METTL15: variants seen among roughly 807,000 people sequenced by gnomAD.
METTL15 encodes methyltransferase 15, mitochondrial 12S rRNA N4-cytidine.
A neutral mutation model predicts 38.3 loss-of-function variants in METTL15; 34 were observed. That is an observed-to-expected ratio of 0.89 (90% CI 0.68 to 1.18). The LOEUF (loss-of-function observed/expected upper bound fraction) is 1.18, where lower values mean the gene tolerates loss of function less well. Among genes scored for constraint, METTL15 ranks in the 50% most tolerant of loss-of-function variants. The pLI is 0.00. For synonymous variants in METTL15, 162 were observed against 170.9 expected (o/e 0.95, Z 0.41); for missense variants, 438 against 498.4 (o/e 0.88, Z 1.15).
intron 6 of METTL15, among the ~76,000 whole-genome samples, chr11:28,510,824 G>A (rs1050897273): frequency 2.0e-5 from 3 of 152,138 alleles, no homozygotes; most frequent in Non-Finnish European, 4.4e-5. Context: ...GCAATTAAAA[G>A]CTGGAGAAGG....
chr11:28,282,392 T>C (rs1162532517), intron 4 of METTL15, among the ~76,000 whole-genome samples: 1 of 152,144 alleles, frequency 6.6e-6, no homozygotes, highest in Non-Finnish European at 1.5e-5. Flanking sequence ...GAATCTAGAT[T>C]AGAGGAAAAA....
At chr11:28,436,300 C>T (rs1850981494) in intron 6 of METTL15, among the ~76,000 whole-genome samples, 1 of 152,186 alleles carries the variant, frequency 6.6e-6, no homozygotes, top group Admixed American at 6.5e-5. Context: ...TATGACAGAA[C>T]CGAAGTGCAA....
At chr11:28,193,438 G>A (rs10835283) in intron 3 of METTL15, among the ~76,000 whole-genome samples, 57,406 of 151,774 alleles carry the variant, frequency 0.38, 12,501 homozygotes, top group African/African-American at 0.6. Flanking sequence ...TTAAACAATC[G>A]GATCTTGTAA....
chr11:28,411,972 C>A (rs1850731446), intron 5 of METTL15, among the ~76,000 whole-genome samples: 1 of 151,944 alleles, frequency 6.6e-6, no homozygotes, highest in Non-Finnish European at 1.5e-5. Context: ...GTGAAGATGG[C>A]CAGCAGGTAT....
chr11:28,155,214 C>T lies in METTL15; in HGVS notation c.270+41610C>T, dbSNP rs1196521815. On this transcript the variant is annotated intron_variant, in intron 3 of 6. Transcript: ENST00000407364. ...AGGATTGTATTAGATCCAATACATC[C>T]CCATTCATAATGATTTTTAGAATGT... Among the ~76,000 whole-genome samples, 3 of 152,168 alleles carry T rather than the reference C, an allele frequency of 2.0e-5. No homozygotes were observed. In the East Asian group the frequency reaches 5.8e-4, roughly 29 times the overall value.
chr11:28,382,934 G>A (rs1034609623), intron 5 of METTL15, among the ~76,000 whole-genome samples: 5 of 148,506 alleles, frequency 3.4e-5, no homozygotes, highest in Admixed American at 6.8e-5. Context: ...TTTGAATTCT[G>A]GGATATTGGT....
At chr11:28,485,492 A>G (rs1851431020) in intron 6 of METTL15, among the ~76,000 whole-genome samples, 1 of 152,156 alleles carries the variant, frequency 6.6e-6, no homozygotes, top group East Asian at 1.9e-4. Context: ...AGTTACCAGG[A>G]TGAGTATGGA....
At chr11:28,142,061 A>C (rs1307560073) in intron 3 of METTL15, among the ~76,000 whole-genome samples, 1 of 152,224 alleles carries the variant, frequency 6.6e-6, no homozygotes, top group Non-Finnish European at 1.5e-5. Context: ...TTGCAAAGGC[A>C]GTTTTACTGT....
chr11:28,276,132 A>G (rs191521584), intron 4 of METTL15, among the ~76,000 whole-genome samples: 22 of 152,216 alleles, frequency 1.4e-4, no homozygotes, highest in African/African-American at 4.8e-4. Context: ...AGTCATCCAA[A>G]TGGGAAAAAA....
At chr11:28,508,803 G>A (rs543908990) in intron 6 of METTL15, among the ~76,000 whole-genome samples, 1 of 152,140 alleles carries the variant, frequency 6.6e-6, no homozygotes, top group Non-Finnish European at 1.5e-5. Context: ...TGGTATTTAA[G>A]GATTATTTCT....
At chr11:28,117,730 T>G (rs1249730171) in intron 3 of METTL15, among the ~76,000 whole-genome samples, 1 of 152,222 alleles carries the variant, frequency 6.6e-6, no homozygotes, top group African/African-American at 2.4e-5. Flanking sequence ...ACAATGTTAT[T>G]TCTTACCTTT....
chr11:28,418,429 G>A (rs1389906311), intron 5 of METTL15, among the ~76,000 whole-genome samples: 1 of 152,102 alleles, frequency 6.6e-6, no homozygotes, highest in African/African-American at 2.4e-5. Flanking sequence ...TTTTCAGTGG[G>A]TCTATTTTGA....
chr11:28,213,616 TAA>T (rs530637462), intron 4 of METTL15, among the ~76,000 whole-genome samples: 7 of 132,680 alleles, frequency 5.3e-5, no homozygotes, highest in South Asian at 2.4e-4. Context: ...ATCTAATTCT[TAA>T]AAAAAAAAAA....
chr11:28,115,968 C>CAAA (rs1464622974), intron 3 of METTL15, among the ~76,000 whole-genome samples: 6 of 133,590 alleles, frequency 4.5e-5, no homozygotes, highest in African/African-American at 1.7e-4. Context: ...ACACACACAA[C>CAAA]CCTACCGATT....
intron 4 of METTL15, among the ~76,000 whole-genome samples, chr11:28,225,449 T>A (rs1853437246): frequency 6.6e-6 from 1 of 151,874 alleles, no homozygotes; most frequent in African/African-American, 2.4e-5. Context: ...ACATTTGCAA[T>A]AACTTGATAG....
At chr11:28,485,652 A>G (rs1164623866) in intron 6 of METTL15, among the ~76,000 whole-genome samples, 2 of 152,184 alleles carry the variant, frequency 1.3e-5, no homozygotes, top group East Asian at 3.9e-4. Context: ...GTTATTGAGA[A>G]CTTAATATGT....
intron 5 of METTL15, among the ~76,000 whole-genome samples, chr11:28,405,494 T>C (rs2133407612): frequency 6.6e-6 from 1 of 151,298 alleles, no homozygotes; most frequent in Middle Eastern, 3.4e-3. Flanking sequence ...AAAACTTTTT[T>C]CTCAGGTTAC....
chr11:28,149,052 AG>A (rs1400119741), intron 3 of METTL15, among the ~76,000 whole-genome samples: 1 of 151,980 alleles, frequency 6.6e-6, no homozygotes, highest in African/African-American at 2.4e-5. Context: ...TGCTAGGCTA[AG>A]GCAGCTTTTG....
chr11:28,376,003 T>G (rs1375701147), intron 5 of METTL15, among the ~76,000 whole-genome samples: 1 of 152,172 alleles, frequency 6.6e-6, no homozygotes. Context: ...ATCCTAAGTT[T>G]TAGTTTGATT....
Sources: allele counts gnomAD v4.1 joint callset (sites outside exome capture counted in the v4.1 genomes callset), GRCh38; gene constraint gnomAD v4.1.1; transcripts MANE v1.5; gene names NCBI Gene and HGNC (gene_info 2026-07-23, HGNC 2026-07-21).